The following SNTG1 variants were observed in gnomAD, a reference collection of about 807,000 sequenced individuals.
The protein encoded by SNTG1 is gamma-1-syntrophin.
A neutral mutation model predicts 74.7 loss-of-function variants in SNTG1; 39 were observed. The observed-to-expected ratio is 0.52, with a 90% confidence interval of 0.40 to 0.68. The LOEUF (loss-of-function observed/expected upper bound fraction) is 0.68. Among genes scored for constraint, SNTG1 ranks in the 30% least tolerant of loss-of-function variants. The probability of loss-of-function intolerance (pLI) is 0.00; values close to 1 mark genes in which losing one functional copy is unlikely to be tolerated. For synonymous variants in SNTG1, 254 were observed against 217.1 expected (o/e 1.17, Z -1.49); for missense variants, 685 against 609.5 (o/e 1.12, Z -1.30).
chr8:50,230,472 C>T (rs1477311225), intron 2 of SNTG1, among the ~76,000 whole-genome samples: 1 of 151,276 alleles, frequency 6.6e-6, no homozygotes, highest in Non-Finnish European at 1.5e-5. Context: ...GGATCAATTA[C>T]ATTAAAAGGA....
chr8:50,505,617 G>A (rs760474675), intron 9 of SNTG1, among the ~76,000 whole-genome samples: 7 of 152,122 alleles, frequency 4.6e-5, no homozygotes, highest in Non-Finnish European at 7.4e-5. Flanking sequence ...AATCTTAAGC[G>A]TCTTTTCACA....
chr8:50,339,442 G>A (rs182947567), intron 2 of SNTG1, among the ~76,000 whole-genome samples: 95 of 151,972 alleles, frequency 6.3e-4, no homozygotes, highest in African/African-American at 2.1e-3. Context: ...AATAACAATG[G>A]TCTATATGCT....
chr8:50,414,886 G>A (rs1355753686), intron 4 of SNTG1, among the ~76,000 whole-genome samples: 1 of 152,066 alleles, frequency 6.6e-6, no homozygotes, highest in Non-Finnish European at 1.5e-5. Context: ...TTGTTCGTAT[G>A]AGGGAAAAAC....
intron 2 of SNTG1, among the ~76,000 whole-genome samples, chr8:50,319,044 ATATC>A (rs982179410): frequency 2.0e-5 from 3 of 152,044 alleles, no homozygotes; most frequent in Non-Finnish European, 2.9e-5. Flanking sequence ...GTGAGTATAT[ATATC>A]TATGTATACA....
chr8:50,362,027 T>C (rs947797342), intron 2 of SNTG1, among the ~76,000 whole-genome samples: 1 of 152,222 alleles, frequency 6.6e-6, no homozygotes, highest in African/African-American at 2.4e-5. Context: ...CATCTCTATG[T>C]AGCACCTGTC....
chr8:50,488,527 C>A lies in SNTG1; in HGVS notation c.364-14251C>A, dbSNP rs1038751443. On this transcript the variant is annotated intron_variant, in intron 8 of 18. Coordinates refer to ENST00000642720, the MANE Select transcript of SNTG1 (RefSeq NM_018967.5). The stretch of plus-strand genomic sequence containing the variant: ...TCCACACAGCTCTGCTCTTGCTTGT[C>A]TGCTCTGCCTGCCATTTTCCTTGCC... Among the ~76,000 whole-genome samples, 7 of 152,176 alleles carry A rather than the reference C, an allele frequency of 4.6e-5. No homozygotes were observed. In the East Asian group the frequency reaches 7.7e-4, roughly 17 times the overall value.
chr8:50,304,715 G>T (rs1329031260), intron 2 of SNTG1, among the ~76,000 whole-genome samples: 1 of 152,020 alleles, frequency 6.6e-6, no homozygotes, highest in Non-Finnish European at 1.5e-5. Flanking sequence ...TTTATTGTCT[G>T]AGCAGATAGC....
At chr8:50,704,353 T>C (rs2095436300) in intron 15 of SNTG1, among the ~76,000 whole-genome samples, 1 of 152,178 alleles carries the variant, frequency 6.6e-6, no homozygotes, top group Non-Finnish European at 1.5e-5. Flanking sequence ...GGTTATATTG[T>C]TAGTAAGAGA....
chr8:50,078,070 T>C lies in SNTG1; in HGVS notation c.-102-94491T>C, dbSNP rs1037228529. Among the ~76,000 whole-genome samples, 12 of 152,336 alleles carry C rather than the reference T, an allele frequency of 7.9e-5. No individual in the cohort carries two copies. In the East Asian group the frequency reaches 2.3e-3, roughly 29 times the overall value. ...CCCAATTTAATTGTCATGTCATGTT[T>C]GTTGAAAATCACCTAAAAATAAATG... On this transcript the variant is annotated intron_variant, in intron 1 of 18. Coordinates refer to ENST00000642720, the MANE Select transcript of SNTG1 (RefSeq NM_018967.5).
chr8:50,105,752 G>C (rs754156089), intron 1 of SNTG1, among the ~76,000 whole-genome samples: 8 of 151,920 alleles, frequency 5.3e-5, no homozygotes, highest in Non-Finnish European at 1.2e-4. Flanking sequence ...TCGCTTTCCT[G>C]GTTAGCTGTA....
chr8:50,574,193 T>G (rs2094564396), intron 12 of SNTG1, among the ~76,000 whole-genome samples: 1 of 152,044 alleles, frequency 6.6e-6, no homozygotes, highest in Non-Finnish European at 1.5e-5. Flanking sequence ...GCCTCAGGCA[T>G]AAATAGGTTA....
chr8:50,352,528 T>A (rs1421991862), intron 2 of SNTG1, among the ~76,000 whole-genome samples: 1 of 152,024 alleles, frequency 6.6e-6, no homozygotes, highest in African/African-American at 2.4e-5. Context: ...GTAGATCAGA[T>A]TACAGGCATG....
chr8:50,605,866 T>C (rs995542541), intron 13 of SNTG1, among the ~76,000 whole-genome samples: 5 of 152,144 alleles, frequency 3.3e-5, no homozygotes, highest in African/African-American at 9.7e-5. Context: ...AACACAAAAA[T>C]AAAATAAAAA....
intron 8 of SNTG1, among the ~76,000 whole-genome samples, chr8:50,452,506 C>T (rs557598734): frequency 3.3e-5 from 5 of 152,132 alleles, no homozygotes; most frequent in African/African-American, 4.8e-5. Context: ...TGCTGTTAGA[C>T]GGAATGCAAT....
intron 17 of SNTG1, among the ~76,000 whole-genome samples, chr8:50,710,701 T>A (rs2095459088): frequency 6.6e-6 from 1 of 152,220 alleles, no homozygotes; most frequent in Non-Finnish European, 1.5e-5. Context: ...GAGAAAATCA[T>A]GACACCAATG....
At chr8:49,945,031 C>T (rs1809050019) in intron 1 of SNTG1, among the ~76,000 whole-genome samples, 1 of 152,112 alleles carries the variant, frequency 6.6e-6, no homozygotes, top group Non-Finnish European at 1.5e-5. Context: ...AATCTGAGTA[C>T]TAACTACTGA....
intron 1 of SNTG1, among the ~76,000 whole-genome samples, chr8:50,021,878 C>G (rs868655637): frequency 1.3e-5 from 2 of 149,080 alleles, no homozygotes; most frequent in Non-Finnish European, 3.0e-5. Flanking sequence ...GAGATTGAGG[C>G]TGCTGTGAGC....
At chr8:50,674,046 A>T (rs1157280694) in intron 15 of SNTG1, among the ~76,000 whole-genome samples, 1 of 152,096 alleles carries the variant, frequency 6.6e-6, no homozygotes, top group African/African-American at 2.4e-5. Context: ...ATGGTGGGTA[A>T]GTTTTTTGAT....
At chr8:49,991,152 C>G (rs190931926) in intron 1 of SNTG1, among the ~76,000 whole-genome samples, 2 of 152,102 alleles carry the variant, frequency 1.3e-5, no homozygotes, top group African/African-American at 4.8e-5. Context: ...CTCTCCTCCA[C>G]AGGAGGTATG....
Sources: gnomAD v4.1 joint callset for allele counts (sites outside exome capture counted in the v4.1 genomes callset) on GRCh38, gnomAD v4.1.1 for gene constraint, MANE v1.5 for transcripts, NCBI Gene and HGNC (gene_info 2026-07-23, HGNC 2026-07-21) for gene names.